Variants in CDH18 observed in about 807,000 individuals in gnomAD.
CDH18 encodes the protein cadherin-18.
In CDH18, 31 loss-of-function variants were observed where a neutral mutation model predicts 67.9. The ratio of observed to expected loss-of-function variants is 0.46; its 90% CI spans 0.34 to 0.62. CDH18 has a LOEUF of 0.62. Among genes scored for constraint, CDH18 ranks in the 20% least tolerant of loss-of-function variants. CDH18 has a pLI of 0.01. For missense variants in CDH18, 890 were observed against 975.5 expected, an observed-to-expected ratio of 0.91 and a Z score of 1.17; for synonymous variants, 362 against 347.2, an observed-to-expected ratio of 1.04 and a Z score of -0.48.
At chr5:20,305,086 G>C (rs1736303146) in intron 1 of CDH18, 2 of 1,577,700 alleles carry the variant, frequency 1.3e-6, no homozygotes, top group Non-Finnish European at 1.7e-6. Context: ...ATCAACCAAG[G>C]CGGTAGGGCC....
intron 3 of CDH18, among the ~76,000 whole-genome samples, chr5:19,769,711 A>G (rs1349364909): frequency 6.6e-6 from 1 of 152,108 alleles, no homozygotes; most frequent in Non-Finnish European, 1.5e-5. Context: ...TGTAACTATG[A>G]TGTCAAAAGC....
chr5:20,163,651 G>C (rs1736062016), intron 2 of CDH18, among the ~76,000 whole-genome samples: 1 of 152,156 alleles, frequency 6.6e-6, no homozygotes, highest in Non-Finnish European at 1.5e-5. Context: ...CATTTAGGTA[G>C]AAACTGATCA....
chr5:20,266,840 G>A (rs1745075852), intron 1 of CDH18, among the ~76,000 whole-genome samples: 1 of 152,038 alleles, frequency 6.6e-6, no homozygotes, highest in African/African-American at 2.4e-5. Flanking sequence ...GTTTCAGAGA[G>A]TGTCTTATAC....
chr5:20,136,016 G>A (rs985683876), intron 2 of CDH18, among the ~76,000 whole-genome samples: 4 of 152,158 alleles, frequency 2.6e-5, no homozygotes, highest in African/African-American at 9.7e-5. Flanking sequence ...TTCCAACTAT[G>A]TAGTCAATTT....
intron 5 of CDH18, among the ~76,000 whole-genome samples, chr5:19,616,902 C>T (rs867393114): frequency 6.6e-6 from 1 of 152,146 alleles, no homozygotes; most frequent in Admixed American, 6.5e-5. Context: ...TCTTTGCAAG[C>T]ACTGAGAGGA....
chr5:19,475,398 G>A (rs1579658503), intron 12 of CDH18, among the ~76,000 whole-genome samples: 4 of 151,796 alleles, frequency 2.6e-5, no homozygotes, highest in East Asian at 3.9e-4. Flanking sequence ...AACACAAAAC[G>A]TATTTTATAA....
intron 2 of CDH18, among the ~76,000 whole-genome samples, chr5:20,062,486 T>C (rs989628463): frequency 2.6e-5 from 4 of 152,104 alleles, no homozygotes; most frequent in Admixed American, 6.6e-5. Context: ...AGTGCTGCCT[T>C]AGAAAACACT....
chr5:20,069,982 A>T (rs1743332052), intron 2 of CDH18, among the ~76,000 whole-genome samples: 1 of 152,196 alleles, frequency 6.6e-6, no homozygotes, highest in Non-Finnish European at 1.5e-5. Context: ...GGGCAGAGAT[A>T]CAATGATGTG....
chr5:19,571,193 G>T (rs919467936), intron 8 of CDH18, among the ~76,000 whole-genome samples: 1 of 152,198 alleles, frequency 6.6e-6, no homozygotes, highest in African/African-American at 2.4e-5. Flanking sequence ...ACCAGAGTCA[G>T]TTAGAGATGA....
intron 2 of CDH18, among the ~76,000 whole-genome samples, chr5:20,111,056 C>A (rs1267955854): frequency 6.6e-6 from 1 of 152,100 alleles, no homozygotes; most frequent in East Asian, 1.9e-4. Flanking sequence ...TCTCGGCTAT[C>A]AGTTTCAACT....
At chr5:19,718,199 A>G (rs961727378) in intron 5 of CDH18, among the ~76,000 whole-genome samples, 2 of 152,010 alleles carry the variant, frequency 1.3e-5, no homozygotes, top group African/African-American at 4.8e-5. Context: ...CATGGAAACA[A>G]GGCAATCGAA....
intron 1 of CDH18, among the ~76,000 whole-genome samples, chr5:20,295,798 C>A (rs903429731): frequency 3.3e-5 from 5 of 150,276 alleles, no homozygotes; most frequent in Non-Finnish European, 7.4e-5. Flanking sequence ...GAATTATTTT[C>A]TTTACATATA....
chr5:20,162,677 G>C (rs1735982243), intron 2 of CDH18, among the ~76,000 whole-genome samples: 1 of 151,072 alleles, frequency 6.6e-6, no homozygotes, highest in African/African-American at 2.4e-5. Flanking sequence ...TCAGCGCTAT[G>C]CTTGGGAGTT....
intron 4 of CDH18, among the ~76,000 whole-genome samples, chr5:19,730,099 C>G (rs1211544377): frequency 6.6e-6 from 1 of 152,128 alleles, no homozygotes; most frequent in East Asian, 1.9e-4. Flanking sequence ...CTTTCAGCTG[C>G]CCCCTACCAT....
At chr5:19,941,181 C>G (rs1453690954) in intron 2 of CDH18, among the ~76,000 whole-genome samples, 7 of 151,922 alleles carry the variant, frequency 4.6e-5, no homozygotes. Context: ...CTGCCTTGCC[C>G]CTTGCACCAT....
chr5:19,794,507 T>A (rs1776661697), intron 3 of CDH18, among the ~76,000 whole-genome samples: 1 of 152,172 alleles, frequency 6.6e-6, no homozygotes, highest in Admixed American at 6.6e-5. Context: ...TAATGGGATT[T>A]CTTGGCCTCC....
At chr5:20,575,628 T>C in exon 1 of CDH18, 1 of 152,076 alleles carries the variant, frequency 6.6e-6, no homozygotes, top group East Asian at 1.9e-4. Flanking sequence ...TGACATCCTC[T>C]TGTAAAAAGA....
intron 4 of CDH18, among the ~76,000 whole-genome samples, chr5:19,745,043 G>A (rs1331343592): frequency 6.6e-6 from 1 of 152,090 alleles, no homozygotes; most frequent in African/African-American, 2.4e-5. Flanking sequence ...AAGGACACAT[G>A]TTATTCACAT....
At chr5:20,307,423 G>A (rs1736569081) in intron 1 of CDH18, among the ~76,000 whole-genome samples, 1 of 152,104 alleles carries the variant, frequency 6.6e-6, no homozygotes, top group Non-Finnish European at 1.5e-5. Flanking sequence ...GTCAACAAGA[G>A]ACATATAACA....
Sources: gnomAD v4.1 joint callset for allele counts (sites outside exome capture counted in the v4.1 genomes callset) on GRCh38, gnomAD v4.1.1 for gene constraint, MANE v1.5 for transcripts, NCBI Gene and HGNC (gene_info 2026-07-23, HGNC 2026-07-21) for gene names.